Variants in ITPR2 observed in about 807,000 individuals in gnomAD.
ITPR2 encodes the protein inositol 1,4,5-trisphosphate receptor type 2.
ITPR2 carries 207 observed loss-of-function variants against 317.1 expected under a neutral mutation model. That is an observed-to-expected ratio of 0.65 (90% CI 0.58 to 0.73). The LOEUF is 0.73. Among genes scored for constraint, ITPR2 ranks in the 30% least tolerant of loss-of-function variants. The probability of loss-of-function intolerance (pLI) is 0.00; values close to 1 mark genes in which losing one functional copy is unlikely to be tolerated. For missense variants in ITPR2, 2,613 were observed against 3,284.0 expected (o/e 0.80, Z 4.99); for synonymous variants, 1,156 against 1,149.1 (o/e 1.01, Z -0.12).
At chr12:26,398,318 G>T (rs1213631082) in intron 54 of ITPR2, among the ~76,000 whole-genome samples, 2 of 152,118 alleles carry the variant, frequency 1.3e-5, no homozygotes, top group African/African-American at 4.8e-5. Flanking sequence ...AGCTACTAGG[G>T]AGGCTGAGGT....
chr12:26,529,617 T>C (rs1279681892), intron 37 of ITPR2, among the ~76,000 whole-genome samples: 2 of 152,204 alleles, frequency 1.3e-5, no homozygotes, highest in African/African-American at 4.8e-5. Context: ...TGGGTTCTAA[T>C]GCCAGCTGGG....
At chr12:26,345,019 T>C (rs529908458) in intron 55 of ITPR2, among the ~76,000 whole-genome samples, 1 of 152,322 alleles carries the variant, frequency 6.6e-6, no homozygotes, top group African/African-American at 2.4e-5. Flanking sequence ...TGCTTCTTGT[T>C]CCACTCCTCC....
intron 2 of ITPR2, among the ~76,000 whole-genome samples, chr12:26,749,670 A>C (rs928917385): frequency 6.6e-6 from 1 of 152,254 alleles, no homozygotes; most frequent in Non-Finnish European, 1.5e-5. Context: ...AATAAAGGTC[A>C]TGAAATAGGA....
chr12:26,360,462 G>A (rs1443275074), intron 55 of ITPR2, among the ~76,000 whole-genome samples: 1 of 152,196 alleles, frequency 6.6e-6, no homozygotes, highest in Non-Finnish European at 1.5e-5. Flanking sequence ...TGCCCTGAGA[G>A]CCGTTTTTGG....
intron 2 of ITPR2, among the ~76,000 whole-genome samples, chr12:26,788,226 T>G (rs1191514993): frequency 6.6e-6 from 1 of 152,236 alleles, no homozygotes; most frequent in African/African-American, 2.4e-5. Context: ...CCGGCCCATT[T>G]GTTTAATGAC....
chr12:26,718,667 T>A (rs1268893620), intron 5 of ITPR2, among the ~76,000 whole-genome samples: 2 of 151,946 alleles, frequency 1.3e-5, no homozygotes, highest in African/African-American at 4.8e-5. Flanking sequence ...TGGAGTACAG[T>A]GGCACAATCT....
intron 54 of ITPR2, among the ~76,000 whole-genome samples, chr12:26,394,429 C>T (rs1939933838): frequency 6.6e-6 from 1 of 152,036 alleles, no homozygotes; most frequent in South Asian, 2.1e-4. Context: ...TAGAGCTGGG[C>T]CTCAGAGAGA....
intron 26 of ITPR2, among the ~76,000 whole-genome samples, 186 bp downstream of exon 26, chr12:26,620,937 T>C (rs1037962959): frequency 1.3e-5 from 2 of 152,154 alleles, no homozygotes; most frequent in Non-Finnish European, 1.5e-5. Context: ...GTGGTAGAAA[T>C]TGATAAGAGC....
chr12:26,419,860 A>C (rs1940835330), intron 49 of ITPR2: 1 of 152,130 alleles, frequency 6.6e-6, no homozygotes, highest in African/African-American at 2.4e-5. Flanking sequence ...GTAAGTGATT[A>C]AAATTATTTT....
intron 20 of ITPR2, among the ~76,000 whole-genome samples, 178 bp downstream of exon 20, chr12:26,655,530 C>T (rs959961424): frequency 1.9e-4 from 29 of 149,340 alleles, no homozygotes; most frequent in Non-Finnish European, 3.5e-4. Flanking sequence ...AGGAGAATGG[C>T]GTGAACCCGG....
intron 49 of ITPR2, among the ~76,000 whole-genome samples, chr12:26,425,799 G>A (rs184662545): frequency 7.3e-4 from 111 of 152,204 alleles, no homozygotes; most frequent in African/African-American, 2.6e-3. Flanking sequence ...GAGAGATGTT[G>A]CATATCTACA....
intron 21 of ITPR2, among the ~76,000 whole-genome samples, chr12:26,646,996 A>G (rs1947128499): frequency 6.6e-6 from 1 of 152,234 alleles, no homozygotes; most frequent in Non-Finnish European, 1.5e-5. Context: ...GTAGTTTTCT[A>G]TGATCTACTG....
At chr12:26,498,471 C>G (rs1019811950) in intron 37 of ITPR2, among the ~76,000 whole-genome samples, 1 of 152,116 alleles carries the variant, frequency 6.6e-6, no homozygotes, top group Non-Finnish European at 1.5e-5. Context: ...GTAATTACTG[C>G]GACTCTCATT....
chr12:26,382,422 TGG>T (rs1939535132), intron 55 of ITPR2, among the ~76,000 whole-genome samples: 1 of 152,190 alleles, frequency 6.6e-6, no homozygotes, highest in Admixed American at 6.5e-5. Context: ...CCTAGCACTT[TGG>T]GAGATCGAAG....
intron 43 of ITPR2, among the ~76,000 whole-genome samples, chr12:26,479,963 T>A (rs11048546): frequency 0.54 from 81,689 of 152,040 alleles, 26,226 homozygotes; most frequent in Non-Finnish European, 0.71. Context: ...TTTAGCACAA[T>A]CTTCACGTAA....
At chr12:26,784,125 A>G (rs1187341048) in intron 2 of ITPR2, among the ~76,000 whole-genome samples, 1 of 152,110 alleles carries the variant, frequency 6.6e-6, no homozygotes, top group African/African-American at 2.4e-5. Context: ...CTTAGTTTAA[A>G]CTAATGTCCC....
chr12:26,787,722 A>G (rs1425121508), intron 2 of ITPR2, among the ~76,000 whole-genome samples: 1 of 152,164 alleles, frequency 6.6e-6, no homozygotes, highest in Non-Finnish European at 1.5e-5. Context: ...GATCCCAGAA[A>G]AAGTTTGAGT....
Position 26,481,127 on chromosome 12 carries a change from C to T in ITPR2, c.6123+4G>A, listed in dbSNP as rs189362129. On this transcript the variant is annotated splice_donor_region_variant and intron_variant, in intron 43 of 56. Transcript: ENST00000381340. ...TTCTGGCCTGAACAGTGGAATCGCT[C>T]TACCTTTAGCTGGAGCACCAGGTCC... 4.0e-4 allele frequency: 631 copies of T among 1,574,342 alleles called. 5 individuals are homozygous for T. The African/African-American group carries it at 8.0e-3, about 20-fold the overall frequency.
intron 46 of ITPR2, among the ~76,000 whole-genome samples, 172 bp from the exon 47 acceptor site, chr12:26,439,491 T>G (rs979898664): frequency 7.9e-5 from 12 of 152,214 alleles, no homozygotes; most frequent in Non-Finnish European, 1.3e-4. Flanking sequence ...TGTATTTTTC[T>G]CTTTAAAAAA....
Sources: allele counts gnomAD v4.1 joint callset (sites outside exome capture counted in the v4.1 genomes callset), GRCh38; gene constraint gnomAD v4.1.1; transcripts MANE v1.5; gene names NCBI Gene and HGNC (gene_info 2026-07-23, HGNC 2026-07-21).